LTN1: variants seen among roughly 807,000 people sequenced by gnomAD.
LTN1 encodes listerin E3 ubiquitin protein ligase 1, also known as E3 ubiquitin-protein ligase listerin.
In LTN1, 88 loss-of-function variants were observed where a neutral mutation model predicts 201.2. That is an observed-to-expected ratio of 0.44 (90% CI 0.37 to 0.52). The LOEUF (loss-of-function observed/expected upper bound fraction) is 0.52, where lower values mean the gene tolerates loss of function less well. Among genes scored for constraint, LTN1 ranks in the 20% least tolerant of loss-of-function variants. The pLI is 0.00. For synonymous variants in LTN1, 645 were observed against 713.5 expected (o/e 0.90, Z 1.53); for missense variants, 1,752 against 2,038.7 (o/e 0.86, Z 2.71).
chr21:28,953,571 C>T (rs1440192336), intron 16 of LTN1, among the ~76,000 whole-genome samples, 195 bp from the exon 17 acceptor site: 1 of 152,134 alleles, frequency 6.6e-6, no homozygotes, highest in Non-Finnish European at 1.5e-5. Context: ...TACAAAATAC[C>T]ACCCTTTTCC....
chr21:28,959,092 C>A (rs1189545405), intron 13 of LTN1, among the ~76,000 whole-genome samples: 2 of 151,930 alleles, frequency 1.3e-5, no homozygotes, highest in Admixed American at 6.6e-5. Flanking sequence ...TGATATACAC[C>A]AAAGATTGAA....
At chr21:28,948,307 G>A (rs909352064) in intron 18 of LTN1, among the ~76,000 whole-genome samples, 1 of 58,982 alleles carries the variant, frequency 1.7e-5, no homozygotes, top group Non-Finnish European at 3.2e-5. Context: ...TTTCACTCTT[G>A]TTGCCCAGGC....
chr21:28,931,441 A>G, intron 28 of LTN1, 119 bp from the exon 29 acceptor site: 1 of 629,466 alleles, frequency 1.6e-6, no homozygotes, highest in Non-Finnish European at 2.7e-6. Flanking sequence ...CTGCTTGGCT[A>G]TGTTCATGTC....
Position 28,960,608 on chromosome 21 carries a change from A to G in LTN1, c.2262T>C (p.Asn754=). ...AAGATACCCTGGATTCCAAGTCCTC[A>G]TTACAAAGACAATCTGCCAAGTTGA... ...KLVNLADCLC[N]EDLESRVSSE... Residue 754 remains asparagine (N), a synonymous_variant, in exon 12 of 30, where the codon AAT becomes AAC. Coordinates refer to ENST00000361371, the MANE Select transcript of LTN1 (RefSeq NM_015565.3). The G allele has an allele frequency of 6.2e-7, 1 of 1,613,976 alleles. No individual in the cohort carries two copies. The highest frequency in any genetic ancestry group is 8.5e-7 in the Non-Finnish European group (1 of 1,179,860).
At chr21:28,982,147 C>T (rs1014981875) in intron 5 of LTN1, among the ~76,000 whole-genome samples, 169 bp downstream of exon 5, 1 of 152,022 alleles carries the variant, frequency 6.6e-6, no homozygotes, top group Non-Finnish European at 1.5e-5. Context: ...AACCCAGAAG[C>T]TGGAGGTTGC....
chr21:28,958,776 A>AT (rs1453518425), intron 13 of LTN1, among the ~76,000 whole-genome samples: 2 of 152,196 alleles, frequency 1.3e-5, no homozygotes, highest in African/African-American at 2.4e-5. Flanking sequence ...TTAAAGTTAC[A>AT]TTTTTTATGC....
intron 25 of LTN1, among the ~76,000 whole-genome samples, chr21:28,940,587 C>A (rs1162075024): frequency 1.3e-5 from 2 of 150,658 alleles, no homozygotes; most frequent in African/African-American, 2.4e-5. Flanking sequence ...AAACAAAAAA[C>A]ACAAGATCCA....
At position 28,971,334 on chromosome 21, in the gene LTN1, G is replaced by T. The variant is rs746025625; in HGVS notation, c.921C>A (p.Asp307Glu). Reference protein sequence around the residue: ...VSPSVLLSIDDSDPIVCPALW... With the variant: ...VSPSVLLSIDESDPIVCPALW... ...GAGCTGGGCAGACAATTGGGTCACT[G>T]TCATCAATGCTAAGTAGAACTGATG... is the stretch of plus-strand genomic sequence containing the variant. Residue 307 changes from aspartate (D) to glutamate (E), a missense_variant, in exon 7 of 30, where the codon GAC (aspartate) becomes GAA (glutamate). Asp to Glu is a conservative substitution (Grantham distance 45, BLOSUM62 2). This residue lies in a region of LTN1 where 280 missense variants were observed against 375.7 expected (regional missense o/e 0.75). Coordinates refer to ENST00000361371, the MANE Select transcript of LTN1 (RefSeq NM_015565.3). 6.2e-7 allele frequency: 1 copy of T among 1,613,992 alleles called. No homozygotes were observed. The highest frequency in any genetic ancestry group is 8.5e-7 in the Non-Finnish European group (1 of 1,179,906).
chr21:28,964,665 G>A, intron 11 of LTN1: 4 of 1,550,484 alleles, frequency 2.6e-6, no homozygotes, highest in Non-Finnish European at 3.5e-6. Flanking sequence ...AGTCATGGAA[G>A]CGCAGGCAGC....
chr21:28,943,471 G>A (rs1390397376), intron 23 of LTN1, 135 bp from the exon 24 acceptor site: 4 of 683,848 alleles, frequency 5.8e-6, no homozygotes, highest in African/African-American at 5.4e-5. Context: ...AACTACTATA[G>A]CCAGGACTAT....
At chr21:28,965,935 T>C (rs1208794780) in intron 10 of LTN1, 29 bp from the exon 11 acceptor site, 2 of 1,458,736 alleles carry the variant, frequency 1.4e-6, no homozygotes, top group Non-Finnish European at 1.9e-6. Context: ...TTAGAAACAA[T>C]CTGCTAGAAC....
rs1028709070 is a variant in LTN1 at position 28,971,447 on chromosome 21, A to G, written c.811-3T>C. 3.1e-6 allele frequency: 5 copies of G among 1,611,342 alleles called. No individual in the cohort carries two copies. Among genetic ancestry groups the G allele is most frequent in the Non-Finnish European group, 3.4e-6 (4 of 1,178,782 alleles). On this transcript the variant is annotated splice_polypyrimidine_tract_variant and splice_region_variant and intron_variant, in intron 6 of 29. Transcript: ENST00000361371. Reference sequence around the variant, plus strand: ...AACTCAAAATAAGCTGAGCGAATCTAAAAGAATGCAAAGCTGAATTAAATT... The same window carrying G: ...AACTCAAAATAAGCTGAGCGAATCTGAAAGAATGCAAAGCTGAATTAAATT...
intron 1 of LTN1, among the ~76,000 whole-genome samples, chr21:28,988,154 A>AC (rs972983516): frequency 6.2e-5 from 9 of 145,830 alleles, no homozygotes; most frequent in Admixed American, 4.2e-4. Context: ...AAAAAAAAAA[A>AC]AACAACAAAA....
At chr21:28,988,682 A>G (rs1227050215) in intron 1 of LTN1, among the ~76,000 whole-genome samples, 1 of 151,960 alleles carries the variant, frequency 6.6e-6, no homozygotes, top group African/African-American at 2.4e-5. Context: ...TATTAAGAAA[A>G]TAGGTCAGGC....
chr21:28,978,333 T>G (rs993269254), intron 6 of LTN1, among the ~76,000 whole-genome samples: 1 of 152,060 alleles, frequency 6.6e-6, no homozygotes, highest in African/African-American at 2.4e-5. Flanking sequence ...TGCCCAGCAA[T>G]ATATAAGAAC....
chr21:28,973,869 AGTT>A (rs1351687840), intron 6 of LTN1, among the ~76,000 whole-genome samples: 1 of 152,204 alleles, frequency 6.6e-6, no homozygotes, highest in Non-Finnish European at 1.5e-5. Flanking sequence ...CTAAAATTAA[AGTT>A]GTACATATAC....
chr21:28,964,493 G>A, intron 11 of LTN1: 1 of 1,259,782 alleles, frequency 7.9e-7, no homozygotes, highest in Non-Finnish European at 1.1e-6. Flanking sequence ...ATAGACTGTA[G>A]TGTACACATA....
chr21:28,965,779 T>C, intron 11 of LTN1, 86 bp downstream of exon 11: 1 of 741,958 alleles, frequency 1.3e-6, no homozygotes, highest in South Asian at 1.7e-5. Context: ...TATCTGACCA[T>C]ATTTATTGTG....
At chr21:28,988,600 T>C (rs1304612747) in intron 1 of LTN1, among the ~76,000 whole-genome samples, 3 of 152,250 alleles carry the variant, frequency 2.0e-5, no homozygotes, top group East Asian at 1.9e-4. Flanking sequence ...ATTACATTTG[T>C]TTTCAATCTG....
Sources: allele counts gnomAD v4.1 joint callset (sites outside exome capture counted in the v4.1 genomes callset), GRCh38; gene constraint gnomAD v4.1.1; regional missense constraint gnomAD v4.1.1; transcripts MANE v1.5; gene names NCBI Gene and HGNC (gene_info 2026-07-23, HGNC 2026-07-21).